DTNA: variants seen among roughly 807,000 people sequenced by gnomAD.
DTNA encodes dystrobrevin alpha, also known as dystrophin-related protein 3.
DTNA carries 43 observed loss-of-function variants against 100.7 expected under a neutral mutation model. The ratio of observed to expected loss-of-function variants is 0.43; its 90% CI spans 0.33 to 0.55. The LOEUF is 0.55. Among genes scored for constraint, DTNA ranks in the 20% least tolerant of loss-of-function variants. The probability of loss-of-function intolerance (pLI) is 0.04; values close to 1 mark genes in which losing one functional copy is unlikely to be tolerated. For missense variants in DTNA, 798 were observed against 953.9 expected, an observed-to-expected ratio of 0.84 and a Z score of 2.15; for synonymous variants, 349 against 347.9, an observed-to-expected ratio of 1.00 and a Z score of -0.04.
intron 22 of DTNA, 28 bp downstream of exon 22, chr18:34,884,804 C>T: frequency 6.2e-7 from 1 of 1,610,068 alleles, no homozygotes; most frequent in Non-Finnish European, 8.5e-7. Flanking sequence ...TAGGAGGAAT[C>T]ATGGCCACTG....
At chr18:34,653,230 ACG>A (rs1189754929) in intron 1 of DTNA, among the ~76,000 whole-genome samples, 4 of 151,850 alleles carry the variant, frequency 2.6e-5, no homozygotes, top group African/African-American at 7.2e-5. Context: ...AGGGAAAAAA[ACG>A]AATAGGCTTC....
At chr18:34,707,877 T>C (rs1158789880), upstream of DTNA, among the ~76,000 whole-genome samples, 1 of 152,174 alleles carries the variant, frequency 6.6e-6, no homozygotes, top group Non-Finnish European at 1.5e-5. Context: ...TTTTTTTGGA[T>C]TGGATCATCA....
At chr18:34,577,770 T>C (rs1230838450) in intron 1 of DTNA, among the ~76,000 whole-genome samples, 2 of 152,128 alleles carry the variant, frequency 1.3e-5, no homozygotes, top group African/African-American at 2.4e-5. Flanking sequence ...ATTAATTCAT[T>C]CCTTTTTAAG....
At chr18:34,804,423 T>C (rs1418918119) in intron 4 of DTNA, among the ~76,000 whole-genome samples, 1 of 152,176 alleles carries the variant, frequency 6.6e-6, no homozygotes, top group Non-Finnish European at 1.5e-5. Flanking sequence ...TCAGAGGTTA[T>C]GACCGTGTTA....
upstream of DTNA, among the ~76,000 whole-genome samples, chr18:34,707,783 C>A (rs2082302779): frequency 6.6e-6 from 1 of 152,160 alleles, no homozygotes; most frequent in African/African-American, 2.4e-5. Flanking sequence ...GTCTCTCCTT[C>A]ATCAACTGTT....
rs555268141 is a variant in DTNA, at chr18:34,621,377, C to T, written c.-2+127863C>T. On this transcript the variant is annotated intron_variant, in intron 1 of 19. Transcript: ENST00000283365. ...AATAAATAGAGCTGGTCCACTCCCA[C>T]GTTCACTGTAGCATTCATTATTCAC... 2.2e-3 allele frequency among the ~76,000 whole-genome samples: 337 copies of T among 152,042 alleles called. 4 individuals carry two copies. The highest frequency in any genetic ancestry group is 2.1e-3 in the Non-Finnish European group (142 of 68,000).
intron 1 of DTNA, among the ~76,000 whole-genome samples, chr18:34,544,663 T>A (rs935144566): frequency 2.0e-5 from 3 of 152,142 alleles, no homozygotes; most frequent in Non-Finnish European, 4.4e-5. Flanking sequence ...AAAGCTATTT[T>A]TCATAACATC....
At chr18:34,803,772 G>A (rs1172812961) in intron 4 of DTNA, among the ~76,000 whole-genome samples, 1 of 152,200 alleles carries the variant, frequency 6.6e-6, no homozygotes, top group African/African-American at 2.4e-5. Flanking sequence ...GAATAGGCTG[G>A]TTTTTACAAA....
chr18:34,857,419 A>T (rs2096565790), intron 15 of DTNA, among the ~76,000 whole-genome samples: 1 of 152,170 alleles, frequency 6.6e-6, no homozygotes, highest in African/African-American at 2.4e-5. Flanking sequence ...TAGGAAACTG[A>T]CACCCCCAGC....
chr18:34,549,587 A>G lies in DTNA; in HGVS notation c.-2+56073A>G, dbSNP rs556902134. On this transcript the variant is annotated intron_variant, in intron 1 of 19. Coordinates refer to the DTNA transcript ENST00000283365. ...ATTGCTGTTTATGTTGCTTTGTTCC[A>G]TAGTTACATCCTACTTGTAATTCAG... Among the ~76,000 whole-genome samples the G allele has an allele frequency of 2.6e-4, 39 of 152,120 alleles. No homozygotes were observed. The Middle Eastern group carries it at 0.01, about 40-fold the overall frequency.
intron 7 of DTNA, among the ~76,000 whole-genome samples, chr18:34,817,718 C>A (rs572174188): frequency 2.6e-5 from 4 of 152,174 alleles, no homozygotes; most frequent in African/African-American, 9.6e-5. Flanking sequence ...TTTCTTTTTT[C>A]TTCCTCTCAT....
At chr18:34,843,738 C>T (rs540635798) in intron 13 of DTNA, among the ~76,000 whole-genome samples, 135 of 152,158 alleles carry the variant, frequency 8.9e-4, no homozygotes, top group African/African-American at 3.1e-3. Flanking sequence ...CATATGAATA[C>T]TGGGGGAGAC....
At chr18:34,639,256 G>A (rs943973848) in intron 1 of DTNA, among the ~76,000 whole-genome samples, 1 of 152,158 alleles carries the variant, frequency 6.6e-6, no homozygotes, top group Non-Finnish European at 1.5e-5. Flanking sequence ...GTGCTTTGTG[G>A]CATGCTTAGC....
At chr18:34,744,954 C>T (rs1274281609) in intron 1 of DTNA, among the ~76,000 whole-genome samples, 1 of 151,994 alleles carries the variant, frequency 6.6e-6, no homozygotes, top group African/African-American at 2.4e-5. Context: ...ACATTGTCCA[C>T]TTAAGGTACA....
chr18:34,702,325 C>A (rs149237468), intron 1 of DTNA, among the ~76,000 whole-genome samples: 3 of 152,186 alleles, frequency 2.0e-5, no homozygotes, highest in Non-Finnish European at 4.4e-5. Context: ...TAAATTATCA[C>A]GTGAAGCTGC....
intron 8 of DTNA, among the ~76,000 whole-genome samples, chr18:34,819,332 G>C (rs996168884): frequency 1.3e-5 from 2 of 152,086 alleles, no homozygotes; most frequent in African/African-American, 4.8e-5. Flanking sequence ...TTCATCACCG[G>C]TCAGATTCTG....
At chr18:34,794,815 T>C (rs2094901216) in intron 4 of DTNA, among the ~76,000 whole-genome samples, 3 of 152,216 alleles carry the variant, frequency 2.0e-5, no homozygotes, top group Non-Finnish European at 4.4e-5. Context: ...TTGTATAATT[T>C]TCCCTTTTAG....
chr18:34,800,549 C>A (rs979008149), intron 4 of DTNA, among the ~76,000 whole-genome samples: 4 of 152,282 alleles, frequency 2.6e-5, no homozygotes, highest in Non-Finnish European at 4.4e-5. Context: ...GTTAATTAAG[C>A]CACCAAAATG....
chr18:34,551,288 A>G (rs1337408530), intron 1 of DTNA, among the ~76,000 whole-genome samples: 1 of 151,992 alleles, frequency 6.6e-6, no homozygotes, highest in Non-Finnish European at 1.5e-5. Context: ...TGTGTAGGCA[A>G]AAAACAAGTC....
Sources: allele counts gnomAD v4.1 joint callset (sites outside exome capture counted in the v4.1 genomes callset), GRCh38; gene constraint gnomAD v4.1.1; transcripts MANE v1.5; gene names NCBI Gene and HGNC (gene_info 2026-07-23, HGNC 2026-07-21).